Variants in RNF141 observed in about 807,000 individuals in gnomAD.
RNF141 encodes the protein C3HC4-like zinc finger protein.
Under a neutral mutation model 27.4 loss-of-function variants are expected in RNF141, and 18 were observed. The ratio of observed to expected loss-of-function variants is 0.66; its 90% CI spans 0.45 to 0.97. The LOEUF is 0.97. Ranked by LOEUF, RNF141 falls within the 50% of genes least tolerant of loss-of-function variation. The pLI, the probability that RNF141 is intolerant of heterozygous loss-of-function variation, is 0.00. For missense variants in RNF141, 230 were observed against 279.4 expected, an observed-to-expected ratio of 0.82 and a Z score of 1.26; for synonymous variants, 97 against 96.6, an observed-to-expected ratio of 1.00 and a Z score of -0.02.
chr11:10,529,599 C>T (rs1371840918), intron 3 of RNF141, among the ~76,000 whole-genome samples: 1 of 152,148 alleles, frequency 6.6e-6, no homozygotes, highest in Non-Finnish European at 1.5e-5. Context: ...GAAGGAATTA[C>T]TGAGGAATTT....
intron 3 of RNF141, among the ~76,000 whole-genome samples, chr11:10,529,521 C>T (rs1849967916): frequency 6.6e-6 from 1 of 152,138 alleles, no homozygotes; most frequent in African/African-American, 2.4e-5. Context: ...AAAAGAAGGT[C>T]ATTGTGACTA....
intron 1 of RNF141, among the ~76,000 whole-genome samples, chr11:10,536,153 T>A (rs576294516): frequency 1.2e-4 from 19 of 152,186 alleles, no homozygotes; most frequent in African/African-American, 4.6e-4. Flanking sequence ...TGACCTAGTT[T>A]TGTATCAGGG....
At chr11:10,517,129 ATATAGTT>A (rs1238938979) in intron 5 of RNF141, 2 of 152,180 alleles carry the variant, frequency 1.3e-5, no homozygotes, top group East Asian at 3.8e-4. Flanking sequence ...GCTATATTCT[ATATAGTT>A]AAAAAACTAG....
intron 1 of RNF141, among the ~76,000 whole-genome samples, chr11:10,539,069 G>C (rs1288367426): frequency 1.3e-5 from 2 of 152,104 alleles, no homozygotes; most frequent in Non-Finnish European, 2.9e-5. Flanking sequence ...TCTAAATAAA[G>C]AACTGTTATT....
chr11:10,535,761 A>G (rs899427427), intron 1 of RNF141, among the ~76,000 whole-genome samples: 9 of 152,294 alleles, frequency 5.9e-5, no homozygotes, highest in African/African-American at 2.2e-4. Context: ...ATAATATTAG[A>G]AAAAAAGTCT....
At position 10,519,080 on chromosome 11, in the gene RNF141, T is replaced by G; in HGVS notation, c.496A>C (p.Ile166Leu). 6.2e-7 allele frequency: 1 copy of G among 1,614,074 alleles called. No individual in the cohort carries two copies. The part of the protein sequence containing the change: ...CICMDGRADL[I>L]LPCAHSFCQK... The stretch of plus-strand genomic sequence containing the variant: ...CAAAAGCTGTGAGCACAAGGCAGGA[T>G]GAGGTCAGCCCGCCCATCCATACAG... Residue 166 changes from isoleucine (I) to leucine (L), a missense_variant, in exon 5 of 6, where the codon ATC (isoleucine) becomes CTC (leucine). Physicochemically the swap from Ile to Leu is conservative, Grantham distance 5. Transcript: ENST00000265981.
intron 4 of RNF141, among the ~76,000 whole-genome samples, chr11:10,523,411 T>C (rs1056137630): frequency 6.6e-6 from 1 of 152,250 alleles, no homozygotes; most frequent in African/African-American, 2.4e-5. Context: ...GGCCGATAAT[T>C]GTACTCCCAT....
chr11:10,525,094 T>C (rs1319046054), intron 4 of RNF141, 98 bp downstream of exon 4: 1 of 811,818 alleles, frequency 1.2e-6, no homozygotes, highest in African/African-American at 1.8e-5. Context: ...AAAAAAAAGA[T>C]TTAAGATGCT....
chr11:10,535,976 T>C (rs1053646623), intron 1 of RNF141, among the ~76,000 whole-genome samples: 1 of 152,246 alleles, frequency 6.6e-6, no homozygotes, highest in Non-Finnish European at 1.5e-5. Flanking sequence ...CTGGTGCTTA[T>C]GTTCTGGAGA....
At chr11:10,538,998 C>T (rs1850061537) in intron 1 of RNF141, among the ~76,000 whole-genome samples, 1 of 152,112 alleles carries the variant, frequency 6.6e-6, no homozygotes, top group Non-Finnish European at 1.5e-5. Context: ...ATTGTGCCAC[C>T]TATAACACAG....
Position 10,516,640 on chromosome 11 carries a change from C to T in RNF141, c.543-1574G>A, listed in dbSNP as rs1041638130. ...CAGTGTGTGCATGTGAAGACACTAC[C>T]GAGGCTGAACAATCAATCAAAGGGC... On this transcript the variant is annotated intron_variant, in intron 5 of 5. Transcript: ENST00000265981. 11 of 152,308 alleles carry T rather than the reference C, an allele frequency of 7.2e-5. No homozygotes were observed. The East Asian group carries it at 1.4e-3, about 19-fold the overall frequency. The allele number at this position is 152,308 out of a possible 1,614,324, so 9.4% of individuals were successfully genotyped here. A position where few individuals can be genotyped will look rare whatever the true frequency, so the allele number is the denominator to read the frequency against.
intron 5 of RNF141, chr11:10,515,709 TATTA>T (rs1412428172): frequency 1.3e-5 from 2 of 152,190 alleles, no homozygotes; most frequent in African/African-American, 4.8e-5. Flanking sequence ...GAAAGGATAT[TATTA>T]ATTATTTTTC....
At chr11:10,532,936 T>C (rs1850001392) in intron 2 of RNF141, among the ~76,000 whole-genome samples, 2 of 152,184 alleles carry the variant, frequency 1.3e-5, no homozygotes, top group African/African-American at 4.8e-5. Context: ...GACATGCCAT[T>C]AATACCTGCG....
rs3074399 is a variant in RNF141, at chr11:10,534,477, TACAC to T, written c.-47-276_-47-273del. Among the ~76,000 whole-genome samples, 407 of 149,288 alleles carry T rather than the reference TACAC, an allele frequency of 2.7e-3. 2 individuals are homozygous for T. The highest frequency in any genetic ancestry group is 9.4e-3 in the East Asian group (48 of 5,084). Reference sequence around the variant, plus strand: ...AACCACTAAAGCACATGTGCATGTGTACACACACACACACACACACACACACGCA... The same window carrying T: ...AACCACTAAAGCACATGTGCATGTGTACACACACACACACACACACACGCA... On this transcript the variant is annotated intron_variant, in intron 1 of 5. Transcript: ENST00000265981.
intron 3 of RNF141, among the ~76,000 whole-genome samples, chr11:10,527,874 C>A (rs558925377): frequency 3.9e-5 from 6 of 152,010 alleles, no homozygotes; most frequent in African/African-American, 1.4e-4. Flanking sequence ...GAGAGCTAGC[C>A]AGATTCTGAA....
chr11:10,526,003 G>T (rs555929590), intron 3 of RNF141, among the ~76,000 whole-genome samples: 1 of 152,142 alleles, frequency 6.6e-6, no homozygotes, highest in African/African-American at 2.4e-5. Flanking sequence ...ATCTAATGTA[G>T]AAGATACTTG....
chr11:10,514,389 G>A lies in RNF141; in HGVS notation c.*527C>T, dbSNP rs1188516402. The A allele has an allele frequency of 1.3e-5, 2 of 152,490 alleles. No individual in the cohort carries two copies. The highest frequency in any genetic ancestry group is 4.8e-5 in the African/African-American group (2 of 41,350). The allele number at this position is 152,490 out of a possible 1,614,324, so 9.4% of individuals were successfully genotyped here. A position where few individuals can be genotyped will look rare whatever the true frequency, so the allele number is the denominator to read the frequency against. On this transcript the variant is annotated 3_prime_UTR_variant, in exon 6 of 6. Transcript: ENST00000265981. Reference sequence around the variant, plus strand: ...TCATTTCAAGTAAAAATTATTAAAGGAGCAATAATTAACCACAAGGGGGCA... The same window carrying A: ...TCATTTCAAGTAAAAATTATTAAAGAAGCAATAATTAACCACAAGGGGGCA...
chr11:10,532,323 T>G lies in RNF141; in HGVS notation c.144-1572A>C, dbSNP rs535720231. On this transcript the variant is annotated intron_variant, in intron 2 of 5. Coordinates refer to ENST00000265981, the MANE Select transcript of RNF141 (RefSeq NM_016422.4). The stretch of plus-strand genomic sequence containing the variant: ...AATTAATGCTTTGCACACTACCCTT[T>G]GGATAATTTTTAAAAATAAGTAAAA... Among the ~76,000 whole-genome samples the G allele has an allele frequency of 3.9e-5, 6 of 152,272 alleles. No individual in the cohort carries two copies. The South Asian group carries it at 1.0e-3, about 26-fold the overall frequency.
intron 1 of RNF141, among the ~76,000 whole-genome samples, chr11:10,538,686 T>C (rs1473098335): frequency 6.6e-6 from 1 of 152,234 alleles, no homozygotes; most frequent in South Asian, 2.1e-4. Context: ...GTTTTATTAT[T>C]ATTCACTTAG....
Sources: allele counts gnomAD v4.1 joint callset (sites outside exome capture counted in the v4.1 genomes callset), GRCh38; gene constraint gnomAD v4.1.1; transcripts MANE v1.5; gene names NCBI Gene and HGNC (gene_info 2026-07-23, HGNC 2026-07-21).